The following GPBP1 variants were observed in gnomAD, a reference collection of about 807,000 sequenced individuals.
GPBP1 encodes GC-rich promoter binding protein 1, also known as vasculin.
Under a neutral mutation model 56.5 loss-of-function variants are expected in GPBP1, and 13 were observed. The ratio of observed to expected loss-of-function variants is 0.23; its 90% CI spans 0.15 to 0.37. The LOEUF is 0.37. Among genes scored for constraint, GPBP1 ranks in the 10% least tolerant of loss-of-function variants. GPBP1 has a pLI of 1.00. For synonymous variants in GPBP1, 204 were observed against 188.9 expected (o/e 1.08, Z -0.66); for missense variants, 477 against 572.3 (o/e 0.83, Z 1.70).
intron 3 of GPBP1, among the ~76,000 whole-genome samples, chr5:57,222,785 G>C (rs764345943): frequency 4.6e-5 from 7 of 152,130 alleles, no homozygotes; most frequent in Non-Finnish European, 5.9e-5. Flanking sequence ...CAAAATGTTC[G>C]TATCTACTTA....
At chr5:57,175,135 T>C (rs565388538) in intron 1 of GPBP1, among the ~76,000 whole-genome samples, 1 of 152,348 alleles carries the variant, frequency 6.6e-6, no homozygotes, top group Non-Finnish European at 1.5e-5. Flanking sequence ...AGTTTTAAAA[T>C]TTATTCAAGA....
chr5:57,229,935 C>T (rs1324918829), intron 3 of GPBP1, among the ~76,000 whole-genome samples: 4 of 137,278 alleles, frequency 2.9e-5, no homozygotes, highest in African/African-American at 6.0e-5. Flanking sequence ...CCCGTTGCAT[C>T]GCATCGCGTC....
rs894216838 is a variant in GPBP1, at chr5:57,176,272, T to G, written c.-186T>G. 1 of 355,502 alleles carries G rather than the reference T, an allele frequency of 2.8e-6. No homozygotes were observed. The highest frequency in any genetic ancestry group is 5.0e-6 in the Non-Finnish European group (1 of 200,308). 22.0% of individuals were successfully genotyped at this position (355,502 alleles called of 1,614,324 possible). ...TGACTTGAAGTAACTCTATGTCAAA[T>G]AGTCGTAGGTTAAGTATCTTCAAAG... On this transcript the variant is annotated 5_prime_UTR_variant, in exon 2 of 12. Transcript: ENST00000506184.
chr5:57,178,993 A>G (rs557639848), intron 2 of GPBP1, among the ~76,000 whole-genome samples: 1 of 152,302 alleles, frequency 6.6e-6, no homozygotes, highest in African/African-American at 2.4e-5. Context: ...TCCCGTGAGG[A>G]AAGTACTATT....
intron 3 of GPBP1, among the ~76,000 whole-genome samples, chr5:57,222,266 G>A (rs1212586516): frequency 6.6e-6 from 1 of 152,074 alleles, no homozygotes; most frequent in Non-Finnish European, 1.5e-5. Flanking sequence ...TCTTAAGATG[G>A]TAGACACTCT....
intron 1 of GPBP1, among the ~76,000 whole-genome samples, chr5:57,174,439 G>T (rs1243331953): frequency 1.3e-5 from 2 of 152,080 alleles, no homozygotes; most frequent in Non-Finnish European, 2.9e-5. Context: ...TTGTGAGGAG[G>T]GGGTGGGTGG....
At chr5:57,199,376 T>C (rs936723829) in intron 2 of GPBP1, among the ~76,000 whole-genome samples, 1 of 152,110 alleles carries the variant, frequency 6.6e-6, no homozygotes, top group African/African-American at 2.4e-5. Flanking sequence ...GGGCGGAACC[T>C]GATGAGACTG....
chr5:57,179,063 G>C (rs1043166181), intron 2 of GPBP1, among the ~76,000 whole-genome samples: 1 of 152,188 alleles, frequency 6.6e-6, no homozygotes, highest in Non-Finnish European at 1.5e-5. Context: ...CTGGGAGAAA[G>C]TTACTTTGTT....
intron 5 of GPBP1, among the ~76,000 whole-genome samples, chr5:57,232,048 G>C (rs778489870): frequency 1.3e-4 from 20 of 152,116 alleles, no homozygotes; most frequent in Non-Finnish European, 2.8e-4. Flanking sequence ...AATTGAGACA[G>C]GGTCTCACTC....
intron 2 of GPBP1, among the ~76,000 whole-genome samples, chr5:57,185,382 G>T (rs142376498): frequency 8.0e-4 from 122 of 151,634 alleles, no homozygotes; most frequent in Admixed American, 2.6e-3. Context: ...CTGTCTCAGC[G>T]TCTGAGTAGC....
chr5:57,248,312 CA>C (rs968611166), intron 8 of GPBP1, among the ~76,000 whole-genome samples: 3 of 152,030 alleles, frequency 2.0e-5, no homozygotes, highest in African/African-American at 7.2e-5. Flanking sequence ...TTGAAACTCC[CA>C]GAACAGGGAG....
intron 3 of GPBP1, among the ~76,000 whole-genome samples, chr5:57,222,007 CT>C (rs1243790269): frequency 5.3e-5 from 8 of 150,366 alleles, no homozygotes; most frequent in Non-Finnish European, 7.4e-5. Context: ...TTAAATGAAA[CT>C]TTTTTTTTCA....
At position 57,236,049 on chromosome 5, in the gene GPBP1, C is replaced by G. The variant is rs774736660; in HGVS notation, c.478+17C>G. 6.4e-6 allele frequency: 10 copies of G among 1,553,488 alleles called. No homozygotes were observed. In the East Asian group the frequency reaches 2.0e-4, roughly 31 times the overall value. ...GTGTGTGGGGTAAGTAATTTTTTATCTATATTTGAGGGGCACAAAATGTTG... is the reference window on the plus strand; with the variant it reads ...GTGTGTGGGGTAAGTAATTTTTTATGTATATTTGAGGGGCACAAAATGTTG... On this transcript the variant is annotated intron_variant, in intron 6 of 11. Transcript: ENST00000506184.
intron 10 of GPBP1, among the ~76,000 whole-genome samples, chr5:57,254,271 C>A (rs1018437817): frequency 2.0e-5 from 3 of 152,190 alleles, no homozygotes; most frequent in Admixed American, 6.5e-5. Context: ...CAGAATAAAT[C>A]TTTATCTTTC....
chr5:57,220,780 C>A (rs145294214), intron 3 of GPBP1, among the ~76,000 whole-genome samples: 148 of 152,222 alleles, frequency 9.7e-4, no homozygotes, highest in African/African-American at 3.2e-3. Context: ...TCTTAACTAG[C>A]AGTATTTGAG....
At chr5:57,201,740 A>G (rs1424132469) in intron 2 of GPBP1, among the ~76,000 whole-genome samples, 1 of 152,224 alleles carries the variant, frequency 6.6e-6, no homozygotes, top group African/African-American at 2.4e-5. Context: ...AACTTGTTAA[A>G]CAGGTCTTGA....
intron 3 of GPBP1, among the ~76,000 whole-genome samples, chr5:57,227,418 T>A (rs976008916): frequency 2.0e-5 from 3 of 152,052 alleles, no homozygotes; most frequent in Non-Finnish European, 4.4e-5. Context: ...AGTCTCAAGC[T>A]CCTGACCTCA....
intron 6 of GPBP1, among the ~76,000 whole-genome samples, chr5:57,245,277 T>A (rs1741039050): frequency 6.6e-6 from 1 of 152,242 alleles, no homozygotes; most frequent in Admixed American, 6.5e-5. Context: ...GTTCTTTTTA[T>A]CCTTTAGCAT....
Position 57,235,996 on chromosome 5 carries a change from C to T in GPBP1, c.442C>T (p.Pro148Ser). 4.3e-6 allele frequency: 7 copies of T among 1,611,794 alleles called. No individual in the cohort carries two copies. The highest frequency in any genetic ancestry group is 5.1e-6 in the Non-Finnish European group (6 of 1,178,130). ...PSLNPEYERE[P>S]NHNKSLAAGV... ...TTTAAATCCTGAGTATGAGAGAGAA[C>T]CAAATCACAATAAGTCTTTAGCTGC... is the stretch of plus-strand genomic sequence containing the variant. The change falls in exon 6 of 12, where the codon CCA (proline) becomes TCA (serine). Residue 148 changes from proline (P) to serine (S), a missense_variant. Pro to Ser is a moderately conservative substitution (Grantham distance 74, BLOSUM62 -1). This residue lies in a region of GPBP1 where 414 missense variants were observed against 458.2 expected (regional missense o/e 0.90). Transcript: ENST00000506184.
Sources: gnomAD v4.1 joint callset for allele counts (sites outside exome capture counted in the v4.1 genomes callset) on GRCh38, gnomAD v4.1.1 for gene constraint, gnomAD v4.1.1 regional missense constraint, MANE v1.5 for transcripts, NCBI Gene and HGNC (gene_info 2026-07-23, HGNC 2026-07-21) for gene names.